Variants in INPP4A observed in about 807,000 individuals in gnomAD.
INPP4A encodes the protein inositol polyphosphate-4-phosphatase type I A.
Under a neutral mutation model 119.8 loss-of-function variants are expected in INPP4A, and 33 were observed. The ratio of observed to expected loss-of-function variants is 0.28; its 90% CI spans 0.21 to 0.37. The LOEUF is 0.37. INPP4A is among the 10% of genes least tolerant of loss of function. The probability of loss-of-function intolerance (pLI) is 1.00; values close to 1 mark genes in which losing one functional copy is unlikely to be tolerated. For synonymous variants in INPP4A, 496 were observed against 500.7 expected (o/e 0.99, Z 0.12); for missense variants, 956 against 1,289.9 (o/e 0.74, Z 3.97).
intron 1 of INPP4A, among the ~76,000 whole-genome samples, chr2:98,500,500 T>C (rs1682904635): frequency 6.6e-6 from 1 of 152,210 alleles, no homozygotes; most frequent in African/African-American, 2.4e-5. Flanking sequence ...GAAGACTTTA[T>C]CCAGGACCAT....
At position 98,576,856 on chromosome 2, in the gene INPP4A, G is replaced by A. The variant is rs59819453; in HGVS notation, c.2632-133G>A. 1.2e-3 allele frequency: 1,314 copies of A among 1,073,390 alleles called. 16 individuals carry two copies. In the East Asian group the frequency reaches 0.03, roughly 25 times the overall value. The allele number at this position is 1,073,390 out of a possible 1,614,324, so 66.5% of individuals were successfully genotyped here. A position where few individuals can be genotyped will look rare whatever the true frequency, so the allele number is the denominator to read the frequency against. On this transcript the variant is annotated intron_variant, in intron 23 of 24. Coordinates refer to ENST00000409851, the MANE Select transcript of INPP4A (RefSeq NM_001134225.2). ...TGGAGTTGGGGAACAAAATTGGAGC[G>A]TCTGGCCAGGCCTGGGTGTTGAGTT...
Position 98,590,783 on chromosome 2 carries a change from T to G in INPP4A, c.*3175T>G, listed in dbSNP as rs1277648029. ...TACAATTAAAGGATGATTGAAATGT[T>G]TAACTCTTGGAGTTTTTAGTATTAC... On this transcript the variant is annotated 3_prime_UTR_variant, in exon 25 of 25. Coordinates refer to ENST00000409851, the MANE Select transcript of INPP4A (RefSeq NM_001134225.2). 1.3e-5 allele frequency: 3 copies of G among 227,056 alleles called. No homozygotes were observed. The East Asian group carries it at 1.9e-4, about 14-fold the overall frequency. 14.1% of individuals were successfully genotyped at this position (227,056 alleles called of 1,614,324 possible).
intron 16 of INPP4A, among the ~76,000 whole-genome samples, chr2:98,557,486 C>A (rs2106257815): frequency 6.6e-6 from 1 of 152,368 alleles, no homozygotes. Flanking sequence ...CACAGTGCCA[C>A]AGCATGGCTC....
Position 98,593,166 on chromosome 2 carries a change from C to T in INPP4A, c.*5558C>T, listed in dbSNP as rs1223643936. The stretch of plus-strand genomic sequence containing the variant: ...GCCATGATTTCTTCCTGCATCAGGC[C>T]CCTGTGGGCCTTGCAGGCCAGTCCA... On this transcript the variant is annotated 3_prime_UTR_variant, in exon 25 of 25. Transcript: ENST00000409851. The T allele has an allele frequency of 6.6e-6, 1 of 152,334 alleles. No homozygotes were observed. Among genetic ancestry groups the T allele is most frequent in the Non-Finnish European group, 1.5e-5 (1 of 68,150 alleles). The allele number at this position is 152,334 out of a possible 1,614,324, so 9.4% of individuals were successfully genotyped here.
intron 22 of INPP4A, chr2:98,568,892 C>T (rs1240193512): frequency 4.0e-6 from 2 of 495,040 alleles, no homozygotes; most frequent in African/African-American, 1.9e-5. Flanking sequence ...GCCTATGTGA[C>T]ATGGCTCCTT....
chr2:98,501,855 G>A (rs139736537), intron 1 of INPP4A, among the ~76,000 whole-genome samples: 7 of 152,280 alleles, frequency 4.6e-5, no homozygotes, highest in African/African-American at 1.7e-4. Context: ...ATTTATCTGC[G>A]TCTCACTAGT....
chr2:98,533,147 C>G (rs868769108), intron 4 of INPP4A, among the ~76,000 whole-genome samples: 6 of 152,318 alleles, frequency 3.9e-5, no homozygotes, highest in Middle Eastern at 3.4e-3. Context: ...GTCAGCGCAG[C>G]CTTTCACTGA....
rs1700317025 is a variant in INPP4A, at chr2:98,590,462, C to T, written c.*2854C>T. The T allele has an allele frequency of 5.3e-6, 1 of 190,144 alleles. No homozygotes were observed. Among genetic ancestry groups the T allele is most frequent in the South Asian group, 1.9e-4 (1 of 5,144 alleles). The allele number at this position is 190,144 out of a possible 1,614,324, so 11.8% of individuals were successfully genotyped here. ...TGACCTCTCCAAGCCTCCGTTTCCT[C>T]ATGTGCAAAGTGTGGACAACAACAG... On this transcript the variant is annotated 3_prime_UTR_variant, in exon 25 of 25. Transcript: ENST00000409851.
In INPP4A at chr2:98,594,237, A is replaced by G. The variant is rs1172200294; in HGVS notation, c.*6629A>G. 6.6e-6 allele frequency: 1 copy of G among 152,254 alleles called. No individual in the cohort carries two copies. Among genetic ancestry groups the G allele is most frequent in the African/African-American group, 2.4e-5 (1 of 41,452 alleles). The allele number at this position is 152,254 out of a possible 1,614,324, so 9.4% of individuals were successfully genotyped here. On this transcript the variant is annotated 3_prime_UTR_variant, in exon 25 of 25. Transcript: ENST00000409851. ...AGGGGCGAGTGAGAGGGTCTCTGAA[A>G]AAAGTCAGGCTAAAATTACAGGGGG...
At chr2:98,574,043 A>T (rs577764204) in intron 23 of INPP4A, among the ~76,000 whole-genome samples, 33 of 152,220 alleles carry the variant, frequency 2.2e-4, no homozygotes, top group African/African-American at 7.7e-4. Context: ...TTATAACAGA[A>T]CACATTTTGA....
Position 98,555,644 on chromosome 2 carries a change from G to A in INPP4A, c.1658G>A (p.Gly553Asp). ...LLQKERLHGEGCEDVFPCAGS... is the reference protein window; with the variant it reads ...LLQKERLHGEDCEDVFPCAGS... Reference sequence around the variant, plus strand: ...CAGAAGGAGCGGCTGCATGGCGAGGGCTGTGAGGATGTCTTCCCCTGTGCA... The same window carrying A: ...CAGAAGGAGCGGCTGCATGGCGAGGACTGTGAGGATGTCTTCCCCTGTGCA... The change falls in exon 16 of 25, where the codon GGC becomes GAC. Residue 553 changes from glycine (G) to aspartate (D), a missense_variant. Around this residue, in one of 2 missense-constraint regions of INPP4A, gnomAD observed 652 missense variants for 797.9 expected, o/e 0.82. Coordinates refer to ENST00000409851, the MANE Select transcript of INPP4A (RefSeq NM_001134225.2). 1 of 1,613,964 alleles carries A rather than the reference G, an allele frequency of 6.2e-7. No individual in the cohort carries two copies. The highest frequency in any genetic ancestry group is 1.1e-5 in the South Asian group (1 of 91,078).
intron 9 of INPP4A, among the ~76,000 whole-genome samples, 189 bp downstream of exon 9, chr2:98,539,170 C>A (rs113233970): frequency 0.011 from 1,660 of 152,240 alleles, 50 homozygotes; most frequent in African/African-American, 0.038. Flanking sequence ...TATAATTTTC[C>A]TTGAAAGAGG....
At chr2:98,528,960 C>T (rs1288115869) in intron 4 of INPP4A, among the ~76,000 whole-genome samples, 1 of 151,902 alleles carries the variant, frequency 6.6e-6, no homozygotes, top group African/African-American at 2.4e-5. Flanking sequence ...CGCCTGTAGT[C>T]CCAGCTACTC....
At chr2:98,509,153 A>G (rs1324601459) in intron 1 of INPP4A, among the ~76,000 whole-genome samples, 2 of 152,142 alleles carry the variant, frequency 1.3e-5, no homozygotes, top group East Asian at 3.9e-4. Flanking sequence ...GCCTCTTATC[A>G]TCTTTGTATC....
intron 1 of INPP4A, among the ~76,000 whole-genome samples, chr2:98,491,391 C>T (rs1386555589): frequency 6.6e-6 from 1 of 152,216 alleles, no homozygotes; most frequent in Non-Finnish European, 1.5e-5. Flanking sequence ...CCCCCAGGCC[C>T]TCACCATTGG....
intron 1 of INPP4A, among the ~76,000 whole-genome samples, chr2:98,463,966 G>A (rs1024288450): frequency 1.3e-5 from 2 of 152,250 alleles, no homozygotes; most frequent in South Asian, 2.1e-4. Flanking sequence ...TCTCCACCCA[G>A]TGAACCTGGC....
chr2:98,538,761 T>C, intron 8 of INPP4A, 130 bp from the exon 9 acceptor site: 1 of 598,142 alleles, frequency 1.7e-6, no homozygotes, highest in African/African-American at 1.9e-5. Context: ...AGCATATTTA[T>C]TGTAGAGTTC....
chr2:98,584,851 C>T lies in INPP4A; in HGVS notation c.2787-2625C>T, dbSNP rs917669777. Among the ~76,000 whole-genome samples, 8 of 152,362 alleles carry T rather than the reference C, an allele frequency of 5.3e-5. No homozygotes were observed. The South Asian group carries it at 8.3e-4, about 16-fold the overall frequency. Reference sequence around the variant, plus strand: ...TTTAATGTCACTAAGGCCTTTTACTCATGAAATCAGGCCAAATACGTATGC... The same window carrying T: ...TTTAATGTCACTAAGGCCTTTTACTTATGAAATCAGGCCAAATACGTATGC... On this transcript the variant is annotated intron_variant, in intron 24 of 24. Transcript: ENST00000409851.
chr2:98,476,399 C>A (rs1386635217), intron 1 of INPP4A, among the ~76,000 whole-genome samples: 2 of 152,198 alleles, frequency 1.3e-5, no homozygotes, highest in Non-Finnish European at 2.9e-5. Context: ...TGCTGTCCCT[C>A]GGGAGGGTTC....
Sources: gnomAD v4.1 joint callset for allele counts (sites outside exome capture counted in the v4.1 genomes callset) on GRCh38, gnomAD v4.1.1 for gene constraint, gnomAD v4.1.1 regional missense constraint, MANE v1.5 for transcripts, NCBI Gene and HGNC (gene_info 2026-07-23, HGNC 2026-07-21) for gene names.